Variants in DAPK1 observed in about 807,000 individuals in gnomAD.
The protein encoded by DAPK1 is death-associated protein kinase 1.
DAPK1 carries 56 observed loss-of-function variants against 144.9 expected under a neutral mutation model. That is an observed-to-expected ratio of 0.39 (90% CI 0.31 to 0.48). The LOEUF is 0.48. Among genes scored for constraint, DAPK1 ranks in the 20% least tolerant of loss-of-function variants. The probability of loss-of-function intolerance (pLI) is 0.95; values close to 1 mark genes in which losing one functional copy is unlikely to be tolerated. For missense variants in DAPK1, 1,454 were observed against 1,875.4 expected, an observed-to-expected ratio of 0.78 and a Z score of 4.15; for synonymous variants, 690 against 749.0, an observed-to-expected ratio of 0.92 and a Z score of 1.29.
chr9:87,579,326 CA>C (rs1342385844), intron 2 of DAPK1, among the ~76,000 whole-genome samples: 1 of 152,180 alleles, frequency 6.6e-6, no homozygotes, highest in Non-Finnish European at 1.5e-5. Context: ...ACTTTCCTTT[CA>C]AACTGAGTGT....
chr9:87,571,471 A>AC (rs1564000804), intron 2 of DAPK1, among the ~76,000 whole-genome samples: 1 of 49,134 alleles, frequency 2.0e-5, no homozygotes, highest in African/African-American at 9.7e-5. Context: ...ACACACACAC[A>AC]CACCAACACA....
At chr9:87,513,161 G>T (rs541394505) in intron 2 of DAPK1, among the ~76,000 whole-genome samples, 2 of 152,180 alleles carry the variant, frequency 1.3e-5, no homozygotes, top group African/African-American at 2.4e-5. Flanking sequence ...GCTGTTAAAC[G>T]AAACTGTCAT....
At chr9:87,575,392 G>C (rs1827520025) in intron 2 of DAPK1, among the ~76,000 whole-genome samples, 1 of 152,126 alleles carries the variant, frequency 6.6e-6, no homozygotes, top group South Asian at 2.1e-4. Flanking sequence ...ATCACAGCAG[G>C]AGTAGAAAAA....
chr9:87,667,604 A>G (rs536131018), intron 18 of DAPK1, among the ~76,000 whole-genome samples: 2 of 152,316 alleles, frequency 1.3e-5, no homozygotes, highest in Non-Finnish European at 2.9e-5. Flanking sequence ...GGGTTGAGGA[A>G]TTGAGAGGTT....
At chr9:87,597,507 G>A (rs1286973738) in intron 2 of DAPK1, among the ~76,000 whole-genome samples, 2 of 152,248 alleles carry the variant, frequency 1.3e-5, no homozygotes, top group Admixed American at 6.5e-5. Context: ...CTGAAATCCT[G>A]TCTTCTTGGC....
At chr9:87,599,986 CAT>C (rs541338989) in intron 2 of DAPK1, among the ~76,000 whole-genome samples, 77 of 152,350 alleles carry the variant, frequency 5.1e-4, no homozygotes, top group African/African-American at 1.8e-3. Context: ...ATCTAACACA[CAT>C]AGTCTCTCCC....
At chr9:87,600,357 G>A (rs1488325446) in intron 2 of DAPK1, among the ~76,000 whole-genome samples, 1 of 152,212 alleles carries the variant, frequency 6.6e-6, no homozygotes, top group East Asian at 1.9e-4. Context: ...TGGCCGAGGT[G>A]GGAGGACTGC....
intron 2 of DAPK1, among the ~76,000 whole-genome samples, chr9:87,506,443 G>A (rs934086070): frequency 1.3e-5 from 2 of 152,200 alleles, no homozygotes; most frequent in Admixed American, 6.5e-5. Context: ...TCAACATGTG[G>A]CGTAGTTTTA....
chr9:87,551,348 A>G (rs1038000931), intron 2 of DAPK1, among the ~76,000 whole-genome samples: 9 of 151,978 alleles, frequency 5.9e-5, no homozygotes, highest in Non-Finnish European at 4.4e-5. Context: ...GGGTTTCACC[A>G]TGTTGGCCAG....
intron 2 of DAPK1, among the ~76,000 whole-genome samples, chr9:87,573,532 G>T (rs1827440680): frequency 6.6e-6 from 1 of 152,218 alleles, no homozygotes; most frequent in Non-Finnish European, 1.5e-5. Flanking sequence ...AGGAGGCTTG[G>T]TGTGTTTGCA....
At chr9:87,660,226 C>T (rs1055132133) in intron 18 of DAPK1, among the ~76,000 whole-genome samples, 4 of 151,980 alleles carry the variant, frequency 2.6e-5, no homozygotes, top group Non-Finnish European at 5.9e-5. Context: ...TTGGTGGGCC[C>T]GGCCTTCCCC....
At chr9:87,565,004 T>C (rs930189367) in intron 2 of DAPK1, among the ~76,000 whole-genome samples, 3 of 152,198 alleles carry the variant, frequency 2.0e-5, no homozygotes, top group Non-Finnish European at 4.4e-5. Context: ...TGGGTTTCAC[T>C]GTGTCTGGGA....
At chr9:87,668,515 C>T in intron 18 of DAPK1, 82 bp from the exon 19 acceptor site, 1 of 859,896 alleles carries the variant, frequency 1.2e-6, no homozygotes, top group Non-Finnish European at 2.0e-6. Flanking sequence ...TTGTTTCTGC[C>T]TCAGACCCAC....
chr9:87,666,689 G>A (rs1243171193), intron 18 of DAPK1, among the ~76,000 whole-genome samples: 1 of 151,900 alleles, frequency 6.6e-6, no homozygotes, highest in Admixed American at 6.6e-5. Context: ...GGGCAGGCTG[G>A]TCTCAAACTT....
chr9:87,638,328 A>T (rs532514279), intron 4 of DAPK1, among the ~76,000 whole-genome samples: 1 of 152,248 alleles, frequency 6.6e-6, no homozygotes, highest in Non-Finnish European at 1.5e-5. Flanking sequence ...AAAGAATACA[A>T]GGGGTCTTAG....
chr9:87,665,089 A>AT (rs1281364723), intron 18 of DAPK1, among the ~76,000 whole-genome samples: 1 of 151,866 alleles, frequency 6.6e-6, no homozygotes, highest in Non-Finnish European at 1.5e-5. Flanking sequence ...ACCCTATTTT[A>AT]AATCCTATCC....
At chr9:87,533,869 G>A (rs957925245) in intron 2 of DAPK1, among the ~76,000 whole-genome samples, 2 of 152,112 alleles carry the variant, frequency 1.3e-5, no homozygotes, top group South Asian at 2.1e-4. Context: ...CGCCATGTTG[G>A]CCAGGCTGGT....
intron 3 of DAPK1, among the ~76,000 whole-genome samples, chr9:87,635,809 A>C (rs956009316): frequency 3.3e-5 from 5 of 152,126 alleles, no homozygotes; most frequent in African/African-American, 7.2e-5. Context: ...CGCGTGGCAG[A>C]AGTTAAGACT....
chr9:87,693,482 A>G (rs1230361758), intron 21 of DAPK1, among the ~76,000 whole-genome samples: 1 of 151,846 alleles, frequency 6.6e-6, no homozygotes, highest in East Asian at 1.9e-4. Context: ...ATATCTTTGT[A>G]TTGTTTTTCT....
Sources: gnomAD v4.1 joint callset for allele counts (sites outside exome capture counted in the v4.1 genomes callset) on GRCh38, gnomAD v4.1.1 for gene constraint, MANE v1.5 for transcripts, NCBI Gene and HGNC (gene_info 2026-07-23, HGNC 2026-07-21) for gene names.